The following DMD variants were observed in gnomAD, a reference collection of about 807,000 sequenced individuals.
The protein encoded by DMD is dystrophin.
A neutral mutation model predicts 330.1 loss-of-function variants in DMD; 63 were observed. The observed-to-expected ratio is 0.19, with a 90% confidence interval of 0.16 to 0.24. The LOEUF is 0.24. Among genes scored for constraint, DMD ranks in the 10% least tolerant of loss-of-function variants. The pLI is 1.00. For synonymous variants in DMD, 1,223 were observed against 959.8 expected (o/e 1.27, Z -5.07); for missense variants, 3,344 against 2,684.1 (o/e 1.25, Z -5.43).
At chrX:32,083,232 C>T (rs62590031) in intron 44 of DMD, among the ~76,000 whole-genome samples, 6,738 of 110,533 alleles carry the variant, frequency 0.061, 208 homozygotes, top group East Asian at 0.13. Flanking sequence ...TAACCTAAGG[C>T]TTCTATTTAA....
At chrX:32,886,457 G>A (rs2084580529) in intron 2 of DMD, among the ~76,000 whole-genome samples, 1 of 111,144 alleles carries the variant, frequency 9.0e-6, no homozygotes. Context: ...GCCGAGGTGG[G>A]AAGATTACAA....
Position 32,701,366 on chromosome X carries a change from G to C in DMD, c.650-2073C>G, listed in dbSNP as rs1221623020. 2.7e-5 allele frequency among the ~76,000 whole-genome samples: 3 copies of C among 111,978 alleles called. No individual in the cohort carries two copies. In the Admixed American group the frequency reaches 2.9e-4, roughly 11 times the overall value. On this transcript the variant is annotated intron_variant, in intron 7 of 78. Coordinates refer to ENST00000357033, the MANE Select transcript of DMD (RefSeq NM_004006.3). ...ATTACACTTTAATTATTAATCAACA[G>C]ATGGTCAAAGTAATTTTTGCAAGTA...
chrX:32,709,821 T>C (rs1216493783), intron 7 of DMD, among the ~76,000 whole-genome samples: 2 of 111,652 alleles, frequency 1.8e-5, no homozygotes, highest in Non-Finnish European at 3.8e-5. Flanking sequence ...CATTATTATG[T>C]TTATTTTTTA....
chrX:31,502,190 T>C (rs2070469435), intron 56 of DMD, among the ~76,000 whole-genome samples: 1 of 111,430 alleles, frequency 9.0e-6, no homozygotes, highest in Non-Finnish European at 1.9e-5. Flanking sequence ...GAGAAAAATC[T>C]CCAGGGTGTC....
chrX:32,236,390 T>C (rs2097187822), intron 43 of DMD, among the ~76,000 whole-genome samples: 1 of 112,379 alleles, frequency 8.9e-6, no homozygotes, highest in Admixed American at 9.4e-5. Context: ...AATGAGAGTT[T>C]GTGACCTTTC....
chrX:31,916,322 A>G (rs2094608281), intron 47 of DMD, among the ~76,000 whole-genome samples: 1 of 112,238 alleles, frequency 8.9e-6, no homozygotes, highest in Admixed American at 9.5e-5. Context: ...ACATAACACT[A>G]TTGCAAATTT....
intron 1 of DMD, among the ~76,000 whole-genome samples, chrX:33,134,461 T>C (rs752232954): frequency 2.6e-3 from 297 of 112,114 alleles, no homozygotes; most frequent in African/African-American, 9.1e-3. Flanking sequence ...AGATCCAGTC[T>C]CAGAGAATGA....
intron 1 of DMD, among the ~76,000 whole-genome samples, chrX:33,231,145 G>A (rs746641444): frequency 3.5e-4 from 39 of 111,238 alleles, no homozygotes; most frequent in African/African-American, 6.2e-4. Context: ...CAAGGGTGAC[G>A]TGCATATGTG....
At chrX:31,410,725 C>T (rs985038003) in intron 60 of DMD, among the ~76,000 whole-genome samples, 92 of 106,150 alleles carry the variant, frequency 8.7e-4, no homozygotes, top group Non-Finnish European at 1.6e-3. Flanking sequence ...ATTAATCAAT[C>T]GATAATTATA....
At chrX:31,144,954 T>A (rs749263449) in intron 76 of DMD, among the ~76,000 whole-genome samples, 2 of 111,979 alleles carry the variant, frequency 1.8e-5, no homozygotes, top group South Asian at 7.6e-4. Context: ...TTTTGACCTT[T>A]GATCATTTAT....
chrX:33,013,925 GCT>G (rs1330443028), intron 2 of DMD, among the ~76,000 whole-genome samples: 3 of 112,160 alleles, frequency 2.7e-5, no homozygotes, highest in African/African-American at 9.7e-5. Context: ...ATGAATAAAT[GCT>G]CTGTTTTCCC....
At chrX:32,767,664 A>T (rs1359474931) in intron 7 of DMD, among the ~76,000 whole-genome samples, 1 of 111,627 alleles carries the variant, frequency 9.0e-6, no homozygotes, top group Admixed American at 9.6e-5. Context: ...CCATTTTCTC[A>T]TCTGGAATAT....
At chrX:32,633,822 G>A (rs763925696) in intron 11 of DMD, among the ~76,000 whole-genome samples, 3 of 110,969 alleles carry the variant, frequency 2.7e-5, no homozygotes, top group South Asian at 7.7e-4. Context: ...GAGAGGGAGG[G>A]TGCCACGCTT....
chrX:31,706,474 T>TC (rs1479079337), intron 52 of DMD, among the ~76,000 whole-genome samples: 1 of 111,710 alleles, frequency 9.0e-6, no homozygotes, highest in Non-Finnish European at 1.9e-5. Flanking sequence ...TTTTTCCAAA[T>TC]CCTGCCATCT....
chrX:33,017,692 A>G (rs776148232), intron 2 of DMD, among the ~76,000 whole-genome samples: 2 of 111,403 alleles, frequency 1.8e-5, no homozygotes, highest in South Asian at 7.5e-4. Flanking sequence ...ATGGGCTCAC[A>G]TTTTAGAGCT....
intron 62 of DMD, among the ~76,000 whole-genome samples, chrX:31,280,950 A>G (rs73464377): frequency 0.048 from 5,417 of 111,823 alleles, 365 homozygotes; most frequent in African/African-American, 0.17. Context: ...CTCGATTACA[A>G]AAGTTTCTTT....
intron 2 of DMD, among the ~76,000 whole-genome samples, chrX:33,012,260 T>C (rs2093716200): frequency 9.0e-6 from 1 of 111,671 alleles, no homozygotes; most frequent in Non-Finnish European, 1.9e-5. Context: ...GATTAAACCA[T>C]TTAGTATAAT....
intron 9 of DMD, among the ~76,000 whole-genome samples, chrX:32,659,531 G>T (rs2060810174): frequency 9.0e-6 from 1 of 110,765 alleles, no homozygotes; most frequent in South Asian, 3.9e-4. Flanking sequence ...AAATGGGGAA[G>T]TTCTTTTATG....
At chrX:33,310,344 C>A (rs956243046) in intron 1 of DMD, among the ~76,000 whole-genome samples, 3 of 110,889 alleles carry the variant, frequency 2.7e-5, no homozygotes, top group African/African-American at 9.8e-5. Flanking sequence ...TATTTTATAT[C>A]AATGAATTAA....
Sources: gnomAD v4.1 joint callset for allele counts (sites outside exome capture counted in the v4.1 genomes callset) on GRCh38, gnomAD v4.1.1 for gene constraint, MANE v1.5 for transcripts, NCBI Gene and HGNC (gene_info 2026-07-23, HGNC 2026-07-21) for gene names.